PRH1: variants seen among roughly 807,000 people sequenced by gnomAD.
PRH1 encodes the protein proline rich protein HaeIII subfamily 1.
A neutral mutation model predicts 7.9 loss-of-function variants in PRH1; 7 were observed. The observed-to-expected ratio is 0.89, with a 90% CI of 0.50 to 1.67. PRH1 has a LOEUF of 1.67. Among genes scored for constraint, PRH1 ranks in the 40% most tolerant of loss-of-function variants. The pLI, the probability that PRH1 is intolerant of heterozygous loss-of-function variation, is 0.00. For missense variants in PRH1, 109 were observed against 223.6 expected, an observed-to-expected ratio of 0.49 and a Z score of 3.27; for synonymous variants, 45 against 80.8, an observed-to-expected ratio of 0.56 and a Z score of 2.38.
At chr12:11,089,384 C>A (rs1591991021) in intron 1 of PRH1, among the ~76,000 whole-genome samples, 1 of 116,034 alleles carries the variant, frequency 8.6e-6, no homozygotes, top group African/African-American at 2.9e-5. Context: ...CTTCCACGGA[C>A]TAATGCCAGC....
chr12:11,166,723 CA>C (rs1311494323), intron 1 of PRH1, among the ~76,000 whole-genome samples: 1 of 152,194 alleles, frequency 6.6e-6, no homozygotes, highest in African/African-American at 2.4e-5. Context: ...GCTGCTAAAA[CA>C]AATTATCATA....
intron 1 of PRH1, among the ~76,000 whole-genome samples, chr12:11,058,286 C>A (rs1432925973): frequency 6.6e-6 from 1 of 152,014 alleles, no homozygotes; most frequent in East Asian, 1.9e-4. Context: ...AGGCAAGATT[C>A]TTAATATTGT....
At chr12:10,904,730 A>T (rs758974448) in intron 2 of PRH1, among the ~76,000 whole-genome samples, 3 of 152,204 alleles carry the variant, frequency 2.0e-5, no homozygotes, top group Non-Finnish European at 4.4e-5. Flanking sequence ...AACTATCAAC[A>T]GAGTAAACAG....
chr12:11,144,601 C>A (rs1408405358), intron 1 of PRH1, among the ~76,000 whole-genome samples: 2 of 152,216 alleles, frequency 1.3e-5, no homozygotes, highest in African/African-American at 4.8e-5. Flanking sequence ...CCCCCGAGTT[C>A]TGGCCAGGAG....
intron 1 of PRH1, among the ~76,000 whole-genome samples, chr12:11,046,414 C>A (rs931189625): frequency 6.6e-6 from 1 of 152,092 alleles, no homozygotes; most frequent in East Asian, 1.9e-4. Flanking sequence ...TGGGGCTCCC[C>A]TTTTCTGGCC....
At chr12:11,028,180 G>A (rs1451484509) in intron 1 of PRH1, among the ~76,000 whole-genome samples, 1 of 152,192 alleles carries the variant, frequency 6.6e-6, no homozygotes. Flanking sequence ...ACCACCAAGG[G>A]ACTGGATGAT....
intron 1 of PRH1, among the ~76,000 whole-genome samples, chr12:11,106,691 T>A (rs985909841): frequency 1.3e-5 from 2 of 152,228 alleles, no homozygotes; most frequent in African/African-American, 2.4e-5. Flanking sequence ...GGATTTTATT[T>A]CTTTTCCATT....
At chr12:11,124,849 T>A (rs903117770) in intron 1 of PRH1, among the ~76,000 whole-genome samples, 22 of 149,242 alleles carry the variant, frequency 1.5e-4, no homozygotes, top group Non-Finnish European at 3.3e-4. Flanking sequence ...GGATTTACGA[T>A]TTTTTTTTTT....
At chr12:10,901,265 T>G (rs1949719619) in intron 2 of PRH1, among the ~76,000 whole-genome samples, 1 of 151,872 alleles carries the variant, frequency 6.6e-6, no homozygotes, top group African/African-American at 2.4e-5. Context: ...TTGGTGGGGG[T>G]GGGTTCTGCT....
Position 10,997,472 on chromosome 12 carries a change from C to T in PRH1, c.-125-23751G>A, listed in dbSNP as rs141996010. 102 of 1,613,526 alleles carry T rather than the reference C, an allele frequency of 6.3e-5. No homozygotes were observed. The African/African-American group carries it at 1.2e-3, about 18-fold the overall frequency. On this transcript the variant is annotated intron_variant, in intron 1 of 3. Transcript: ENST00000539853. ...GTGACAAACCAAAAAGAACAAAGAC[C>T]CCAACACTATCACCAGAACTACACT... is the stretch of plus-strand genomic sequence containing the variant.
intron 2 of PRH1, chr12:10,929,291 G>A: frequency 6.2e-7 from 1 of 1,614,194 alleles, no homozygotes. Context: ...TGATTCTGCT[G>A]TCAGTGGCCC....
intron 2 of PRH1, chr12:10,929,129 A>G: frequency 1.1e-6 from 1 of 937,340 alleles, no homozygotes; most frequent in African/African-American, 1.6e-5. Context: ...GACCTGAAGT[A>G]AGCAAAGCAG....
chr12:11,026,038 T>C (rs551134587), intron 1 of PRH1, among the ~76,000 whole-genome samples: 1 of 137,412 alleles, frequency 7.3e-6, no homozygotes, highest in African/African-American at 2.6e-5. Context: ...TTATACTTGT[T>C]TTTTTTTCTT....
chr12:11,093,893 G>C (rs1945007319), intron 1 of PRH1, among the ~76,000 whole-genome samples: 1 of 114,164 alleles, frequency 8.8e-6, no homozygotes, highest in Non-Finnish European at 2.1e-5. Context: ...CTAGTACACT[G>C]TTCCCAGAAG....
At chr12:10,949,208 G>C (rs1555114112) in intron 2 of PRH1, among the ~76,000 whole-genome samples, 2 of 152,200 alleles carry the variant, frequency 1.3e-5, no homozygotes, top group African/African-American at 2.4e-5. Context: ...TTCCATCCCA[G>C]AGAGATGCAG....
At chr12:11,037,560 TA>T in intron 1 of PRH1, among the ~76,000 whole-genome samples, 2 of 152,232 alleles carry the variant, frequency 1.3e-5, no homozygotes, top group Admixed American at 6.5e-5. Context: ...ATATCCATCG[TA>T]GTATAATTTA....
chr12:11,162,910 A>T (rs1197579047), intron 1 of PRH1, among the ~76,000 whole-genome samples: 1 of 152,262 alleles, frequency 6.6e-6, no homozygotes, highest in African/African-American at 2.4e-5. Context: ...ATAATTGCAG[A>T]GAGAAGGGAT....
At chr12:11,009,989 T>C (rs1420002345) in intron 1 of PRH1, among the ~76,000 whole-genome samples, 3 of 152,098 alleles carry the variant, frequency 2.0e-5, no homozygotes, top group South Asian at 2.1e-4. Flanking sequence ...AAATCCTCTC[T>C]TTAGGAATAA....
At chr12:10,917,073 T>A (rs1316400569) in intron 2 of PRH1, among the ~76,000 whole-genome samples, 1 of 151,998 alleles carries the variant, frequency 6.6e-6, no homozygotes, top group African/African-American at 2.4e-5. Context: ...GACTCATATA[T>A]ATGTATACAT....
Sources: allele counts gnomAD v4.1 joint callset (sites outside exome capture counted in the v4.1 genomes callset), GRCh38; gene constraint gnomAD v4.1.1; transcripts MANE v1.5; gene names NCBI Gene and HGNC (gene_info 2026-07-23, HGNC 2026-07-21).